CALN1: variants seen among roughly 807,000 people sequenced by gnomAD.
CALN1 encodes calcium-binding protein 8.
In CALN1, 17 loss-of-function variants were observed where a neutral mutation model predicts 30.6. The observed-to-expected ratio is 0.56, with a 90% confidence interval of 0.38 to 0.83. The LOEUF is 0.83. CALN1 is among the 40% of genes least tolerant of loss of function. CALN1 has a pLI of 0.00. For missense variants in CALN1, 291 were observed against 354.9 expected (o/e 0.82, Z 1.45); for synonymous variants, 156 against 131.4 (o/e 1.19, Z -1.28).
At chr7:72,410,954 TAA>T (rs1050377164) in intron 1 of CALN1, among the ~76,000 whole-genome samples, 5 of 144,948 alleles carry the variant, frequency 3.4e-5, no homozygotes, top group African/African-American at 9.9e-5. Flanking sequence ...GGAAAAGAAA[TAA>T]AGTTATTTTA....
chr7:72,397,712 T>TCACACACACACACACACACACA (rs1248212217), intron 2 of CALN1, among the ~76,000 whole-genome samples: 7 of 70,218 alleles, frequency 1.0e-4, no homozygotes, highest in Non-Finnish European at 2.0e-4. Context: ...ACCCATTCTC[T>TCACACACACACACACACACACA]CTCACACACA....
At chr7:72,158,498 GA>G (rs1482536906) in intron 3 of CALN1, among the ~76,000 whole-genome samples, 1 of 152,172 alleles carries the variant, frequency 6.6e-6, no homozygotes, top group Admixed American at 6.5e-5. Flanking sequence ...ACCAACAGCT[GA>G]AAATGCCAGA....
intron 2 of CALN1, among the ~76,000 whole-genome samples, chr7:72,323,469 G>A (rs1376252968): frequency 1.3e-5 from 2 of 151,994 alleles, no homozygotes; most frequent in Non-Finnish European, 2.9e-5. Flanking sequence ...AGACCAGCCT[G>A]GCCAACATAG....
At chr7:71,939,908 A>G (rs1796035794) in intron 5 of CALN1, among the ~76,000 whole-genome samples, 1 of 152,218 alleles carries the variant, frequency 6.6e-6, no homozygotes, top group South Asian at 2.1e-4. Flanking sequence ...CAGCTGATTT[A>G]CAACCCAGAC....
intron 1 of CALN1, among the ~76,000 whole-genome samples, chr7:72,432,214 A>C (rs1034160313): frequency 3.3e-5 from 5 of 152,106 alleles, no homozygotes; most frequent in African/African-American, 1.2e-4. Context: ...TATAAAGGGC[A>C]GTTCTCCTGC....
At chr7:72,371,048 A>C (rs1205739486) in intron 2 of CALN1, among the ~76,000 whole-genome samples, 2 of 47,314 alleles carry the variant, frequency 4.2e-5, no homozygotes, top group South Asian at 6.3e-4. Flanking sequence ...ATTAAGTCTC[A>C]AAAAAAAAAA....
At chr7:72,402,398 G>A (rs1380961017) in intron 2 of CALN1, among the ~76,000 whole-genome samples, 2 of 152,102 alleles carry the variant, frequency 1.3e-5, no homozygotes, top group Admixed American at 6.5e-5. Context: ...TAAACTCACT[G>A]CCCCCACCAT....
chr7:72,059,966 G>A (rs1030477802), intron 4 of CALN1, among the ~76,000 whole-genome samples: 10 of 148,912 alleles, frequency 6.7e-5, no homozygotes, highest in African/African-American at 9.7e-5. Flanking sequence ...ATTTGGAGAA[G>A]ACCTGAATTT....
chr7:72,197,326 T>C (rs1441303067), intron 3 of CALN1, among the ~76,000 whole-genome samples: 1 of 151,900 alleles, frequency 6.6e-6, no homozygotes, highest in East Asian at 1.9e-4. Context: ...CTCAGCCTTC[T>C]GAGTAGCTGG....
chr7:72,134,551 T>C (rs181017399), intron 3 of CALN1, among the ~76,000 whole-genome samples: 1 of 152,372 alleles, frequency 6.6e-6, no homozygotes, highest in Admixed American at 6.5e-5. Context: ...CTATTAAGTG[T>C]GCAGTAGCAT....
chr7:72,027,967 G>A (rs1801187119), intron 4 of CALN1, among the ~76,000 whole-genome samples: 1 of 149,636 alleles, frequency 6.7e-6, no homozygotes, highest in South Asian at 2.1e-4. Context: ...GCTGAGGCAG[G>A]AGAATGGCGT....
chr7:72,445,833 C>T (rs1342734194), intron 1 of CALN1, among the ~76,000 whole-genome samples: 1 of 152,142 alleles, frequency 6.6e-6, no homozygotes, highest in African/African-American at 2.4e-5. Context: ...AACTACCGTT[C>T]ATGGAAATGG....
chr7:72,313,410 G>C (rs543113802), intron 2 of CALN1, among the ~76,000 whole-genome samples: 1 of 152,172 alleles, frequency 6.6e-6, no homozygotes, highest in Admixed American at 6.5e-5. Flanking sequence ...AAAATTCTTT[G>C]AGACAGAGTA....
intron 3 of CALN1, among the ~76,000 whole-genome samples, chr7:72,106,537 AAAAG>A (rs1236877639): frequency 1.3e-5 from 2 of 150,742 alleles, no homozygotes; most frequent in Non-Finnish European, 3.0e-5. Flanking sequence ...GAGAGGAAGA[AAAAG>A]AAAAGGAAAG....
chr7:71,938,987 G>A (rs1372576037), intron 5 of CALN1, among the ~76,000 whole-genome samples: 2 of 152,052 alleles, frequency 1.3e-5, no homozygotes, highest in Non-Finnish European at 2.9e-5. Context: ...ATGATTGAAT[G>A]ATTGAATGAA....
intron 3 of CALN1, among the ~76,000 whole-genome samples, chr7:72,109,271 G>T (rs191265239): frequency 2.0e-4 from 31 of 152,294 alleles, no homozygotes; most frequent in Non-Finnish European, 3.7e-4. Context: ...TAGGCTCCCA[G>T]CCAGGCGTAT....
intron 2 of CALN1, among the ~76,000 whole-genome samples, chr7:72,382,584 T>C (rs186489139): frequency 5.9e-5 from 9 of 152,318 alleles, no homozygotes; most frequent in East Asian, 1.9e-4. Flanking sequence ...TAGTACCCAA[T>C]AGGAAGTTTC....
chr7:72,467,077 G>T, the CALN1 span, among the ~76,000 whole-genome samples: 1 of 152,098 alleles, frequency 6.6e-6, no homozygotes, highest in African/African-American at 2.4e-5. Flanking sequence ...ATTACCCCCA[G>T]AGAACAGTGG....
intron 2 of CALN1, among the ~76,000 whole-genome samples, chr7:72,347,730 CA>C (rs1802720541): frequency 6.6e-6 from 1 of 152,142 alleles, no homozygotes; most frequent in African/African-American, 2.4e-5. Flanking sequence ...AATAGCTATC[CA>C]CTAAATTCTG....
Sources: gnomAD v4.1 joint callset for allele counts (sites outside exome capture counted in the v4.1 genomes callset) on GRCh38, gnomAD v4.1.1 for gene constraint, MANE v1.5 for transcripts, NCBI Gene and HGNC (gene_info 2026-07-23, HGNC 2026-07-21) for gene names.